Variants in PDE11A observed in about 807,000 individuals in gnomAD.
PDE11A encodes dual 3',5'-cyclic-AMP and -GMP phosphodiesterase 11A.
A neutral mutation model predicts 100.5 loss-of-function variants in PDE11A; 100 were observed. The observed-to-expected ratio is 1.00, with a 90% CI of 0.85 to 1.18. The LOEUF is 1.18. PDE11A is among the 50% of genes most tolerant of loss of function. PDE11A has a pLI of 0.00. For synonymous variants in PDE11A, 381 were observed against 420.8 expected (o/e 0.91, Z 1.16); for missense variants, 1,141 against 1,152.6 (o/e 0.99, Z 0.15).
At chr2:177,630,282 A>G (rs1302070739) in intron 19 of PDE11A, among the ~76,000 whole-genome samples, 1 of 152,052 alleles carries the variant, frequency 6.6e-6, no homozygotes, top group East Asian at 1.9e-4. Flanking sequence ...CCTTCTAAGT[A>G]TATTCTTTTG....
At chr2:178,104,451 C>T (rs2087595459) in exon 2 of PDE11A, 2 of 1,613,884 alleles carry the variant, frequency 1.2e-6, no homozygotes, top group Non-Finnish European at 1.7e-6. Context: ...GGTCTTCTTG[C>T]CTGCTTCAGC....
chr2:177,903,554 T>A (rs1355630972), intron 3 of PDE11A, among the ~76,000 whole-genome samples: 1 of 152,216 alleles, frequency 6.6e-6, no homozygotes, highest in African/African-American at 2.4e-5. Flanking sequence ...TACACAAGAA[T>A]GCAAAGATTA....
At chr2:177,820,129 A>G in intron 7 of PDE11A, 91 bp downstream of exon 7, 2 of 747,730 alleles carry the variant, frequency 2.7e-6, no homozygotes, top group Non-Finnish European at 4.9e-6. Flanking sequence ...GGCCATAAAA[A>G]GAGGGAACAC....
chr2:178,067,000 C>G (rs1421788320), intron 1 of PDE11A, among the ~76,000 whole-genome samples: 2 of 152,156 alleles, frequency 1.3e-5, no homozygotes, highest in African/African-American at 4.8e-5. Context: ...TCCCCTTAAC[C>G]CAGCTTCTCT....
chr2:178,015,576 T>C (rs777089109), intron 1 of PDE11A, among the ~76,000 whole-genome samples: 2 of 152,130 alleles, frequency 1.3e-5, no homozygotes, highest in Non-Finnish European at 2.9e-5. Flanking sequence ...GGAGGGACAA[T>C]TGGAGAAAGT....
rs776409074 is a variant in PDE11A at position 177,727,710 on chromosome 2, T to C, written c.1991A>G (p.His664Arg). 6.2e-7 allele frequency: 1 copy of C among 1,612,442 alleles called. No individual in the cohort carries two copies. The highest frequency in any genetic ancestry group is 2.2e-5 in the East Asian group (1 of 44,858). Residue 664 changes from histidine (H) to arginine (R), a missense_variant, in exon 12 of 20, where the codon CAC (histidine) becomes CGC (arginine). Physicochemically the swap from His to Arg is conservative, Grantham distance 29 (BLOSUM62 0). Coordinates refer to ENST00000286063, the MANE Select transcript of PDE11A (RefSeq NM_016953.4). ...CACGTTGAAGGCATGTCTCCAGTTG[T>C]GGTATAGAACCATCCGATAGTTTTT... ...VRKNYRMVLY[H>R]NWRHAFNVCQ...
chr2:177,637,920 C>CACATAT (rs1559120590), intron 19 of PDE11A, among the ~76,000 whole-genome samples: 3 of 33,486 alleles, frequency 9.0e-5, no homozygotes, highest in East Asian at 1.7e-3. Flanking sequence ...CATATATACA[C>CACATAT]ATACATATAT....
chr2:177,631,313 A>C (rs7565183), intron 19 of PDE11A, among the ~76,000 whole-genome samples: 1 of 44,230 alleles, frequency 2.3e-5, no homozygotes, highest in Non-Finnish European at 5.7e-5. Flanking sequence ...AAAAAAAACA[A>C]AAAAAAAAAC....
chr2:177,970,624 G>C (rs566359961), intron 2 of PDE11A, among the ~76,000 whole-genome samples: 62 of 152,016 alleles, frequency 4.1e-4, no homozygotes, highest in African/African-American at 1.4e-3. Flanking sequence ...TGACCTGTGG[G>C]GCCTTGGAGC....
chr2:177,687,763 T>G (rs987409651), intron 15 of PDE11A: 1 of 152,344 alleles, frequency 6.6e-6, no homozygotes, highest in African/African-American at 2.4e-5. Flanking sequence ...ATTTTCATTA[T>G]AGTTATAGAC....
chr2:177,686,087 A>G (rs1232029580), intron 15 of PDE11A, among the ~76,000 whole-genome samples: 2 of 152,198 alleles, frequency 1.3e-5, no homozygotes, highest in South Asian at 2.1e-4. Context: ...GAGCCTTTTC[A>G]TTGGGTATAT....
intron 2 of PDE11A, among the ~76,000 whole-genome samples, chr2:177,938,038 G>T (rs923168502): frequency 1.3e-5 from 2 of 152,072 alleles, no homozygotes; most frequent in Non-Finnish European, 2.9e-5. Context: ...TAGATAAGGA[G>T]TTACTAGGAG....
intron 17 of PDE11A, among the ~76,000 whole-genome samples, chr2:177,674,859 C>T (rs1478602226): frequency 1.3e-5 from 2 of 152,126 alleles, no homozygotes; most frequent in Non-Finnish European, 2.9e-5. Flanking sequence ...ACGCACATAA[C>T]GATTAACCTC....
chr2:178,074,929 G>A (rs2087188554), upstream of PDE11A, among the ~76,000 whole-genome samples: 1 of 152,054 alleles, frequency 6.6e-6, no homozygotes. Flanking sequence ...TGTAATGGAG[G>A]GCTGATAATA....
At chr2:178,102,016 T>C (rs1042319401) in intron 2 of PDE11A, among the ~76,000 whole-genome samples, 9 of 152,106 alleles carry the variant, frequency 5.9e-5, no homozygotes, top group Admixed American at 5.2e-4. Flanking sequence ...CAGGCGGGAG[T>C]GCAGCTGTGA....
At chr2:177,851,855 A>C (rs2083716315) in intron 5 of PDE11A, among the ~76,000 whole-genome samples, 1 of 152,058 alleles carries the variant, frequency 6.6e-6, no homozygotes, top group Non-Finnish European at 1.5e-5. Flanking sequence ...CCAGGTATTA[A>C]GCCCAGTAAC....
At chr2:178,049,985 A>G (rs2086801454) in intron 1 of PDE11A, among the ~76,000 whole-genome samples, 1 of 152,198 alleles carries the variant, frequency 6.6e-6, no homozygotes, top group South Asian at 2.1e-4. Flanking sequence ...CCTGTCTGAC[A>G]GCTTTGAAGA....
At chr2:177,764,377 GTGCTCAAT>G (rs1386083369) in intron 10 of PDE11A, among the ~76,000 whole-genome samples, 1 of 152,176 alleles carries the variant, frequency 6.6e-6, no homozygotes, top group Non-Finnish European at 1.5e-5. Flanking sequence ...AACCCATGCA[GTGCTCAAT>G]TGAAGGAAGG....
At chr2:177,872,088 T>C (rs1337848735) in intron 5 of PDE11A, among the ~76,000 whole-genome samples, 2 of 152,210 alleles carry the variant, frequency 1.3e-5, no homozygotes, top group Non-Finnish European at 2.9e-5. Flanking sequence ...TCATTGCCCT[T>C]GAGATCCTTG....
Sources: gnomAD v4.1 joint callset for allele counts (sites outside exome capture counted in the v4.1 genomes callset) on GRCh38, gnomAD v4.1.1 for gene constraint, MANE v1.5 for transcripts, NCBI Gene and HGNC (gene_info 2026-07-23, HGNC 2026-07-21) for gene names.